Variants in UNK observed in about 807,000 individuals in gnomAD.
The protein encoded by UNK is RING finger protein unkempt homolog.
A neutral mutation model predicts 97.6 loss-of-function variants in UNK; 32 were observed. The observed-to-expected ratio is 0.33, with a 90% CI of 0.25 to 0.44. UNK has a LOEUF of 0.44. Ranked by LOEUF, UNK falls within the 20% of genes least tolerant of loss-of-function variation. UNK has a pLI of 1.00. For missense variants in UNK, 771 were observed against 1,098.4 expected (o/e 0.70, Z 4.21); for synonymous variants, 441 against 461.2 (o/e 0.96, Z 0.56).
At chr17:75,810,024 G>C (rs1396659337) in intron 2 of UNK, 55 bp downstream of exon 2, 2 of 1,599,650 alleles carry the variant, frequency 1.3e-6, no homozygotes, top group African/African-American at 2.7e-5. Flanking sequence ...TGGGTCAGAT[G>C]CCCTCAGGGT....
chr17:75,820,117 G>A lies in UNK; in HGVS notation c.1837+9G>A, dbSNP rs151195412. On this transcript the variant is annotated intron_variant, in intron 13 of 15. Coordinates refer to ENST00000589666, the MANE Select transcript of UNK (RefSeq NM_001080419.3). ...ATCACATGGATCTTTGGGTAAGAGA[G>A]GGAGTGGTTCACTCAGGAGAACTGG... The A allele has an allele frequency of 2.4e-4, 385 of 1,603,020 alleles. No homozygotes were observed. The highest frequency in any genetic ancestry group is 3.0e-4 in the Non-Finnish European group (348 of 1,173,128).
At chr17:75,804,932 G>A (rs560333503) in intron 1 of UNK, among the ~76,000 whole-genome samples, 8 of 151,972 alleles carry the variant, frequency 5.3e-5, no homozygotes, top group Non-Finnish European at 1.2e-4. Flanking sequence ...AGTGGCTCAC[G>A]CCTGTAATCC....
Position 75,791,189 on chromosome 17 carries a change from G to A in UNK, c.104+6205G>A, listed in dbSNP as rs373991965. Among the ~76,000 whole-genome samples, 6 of 152,232 alleles carry A rather than the reference G, an allele frequency of 3.9e-5. 1 individual carries two copies. The East Asian group carries it at 9.6e-4, about 24-fold the overall frequency. On this transcript the variant is annotated intron_variant, in intron 1 of 15. Transcript: ENST00000589666. ...GCCACTTGGTGATTTCTTATAGGTC[G>A]ACAGAGAATAAATACTTTATAGCTT...
rs143335068 is a variant in UNK, at chr17:75,794,522, C to T, written c.104+9538C>T. 9.2e-3 allele frequency among the ~76,000 whole-genome samples: 1,404 copies of T among 152,034 alleles called. 13 individuals carry two copies. Among genetic ancestry groups the T allele is most frequent in the African/African-American group, 0.031 (1,291 of 41,440 alleles). On this transcript the variant is annotated intron_variant, in intron 1 of 15. Coordinates refer to ENST00000589666, the MANE Select transcript of UNK (RefSeq NM_001080419.3). ...GTGTGGTGGCGGGCACCTGTAATCC[C>T]AGCTACTAGGGAGGCTGAGGCAGGA...
chr17:75,825,132 T>G lies in UNK; in HGVS notation c.*715T>G, dbSNP rs2062106959. ...GCCCCACTCCTGACACCTGGGCCCT[T>G]GAAGCTCCTTGAGGGGCAAGGCCCA... is the stretch of plus-strand genomic sequence containing the variant. On this transcript the variant is annotated 3_prime_UTR_variant, in exon 16 of 16. Transcript: ENST00000589666. The surrounding 1 kb of genome is among the most constrained non-coding windows in gnomAD (Gnocchi z 4.4). 1 of 152,138 alleles carries G rather than the reference T, an allele frequency of 6.6e-6. No homozygotes were observed. Among genetic ancestry groups the G allele is most frequent in the African/African-American group, 2.4e-5 (1 of 41,416 alleles). The allele number at this position is 152,138 out of a possible 1,614,324, so 9.4% of individuals were successfully genotyped here.
chr17:75,789,850 G>C (rs1252513792), intron 1 of UNK, among the ~76,000 whole-genome samples: 2 of 152,104 alleles, frequency 1.3e-5, no homozygotes, highest in African/African-American at 4.8e-5. Flanking sequence ...ACTATTGAAA[G>C]TGTATAGCTG....
intron 4 of UNK, 73 bp downstream of exon 4, chr17:75,812,658 C>G: frequency 6.4e-7 from 1 of 1,552,552 alleles, no homozygotes; most frequent in Non-Finnish European, 8.7e-7. Flanking sequence ...TTTGGCTCAC[C>G]ACCACCTACT....
intron 4 of UNK, 58 bp downstream of exon 4, chr17:75,812,643 G>GCTCTATGAGCA (rs1352655448): frequency 2.4e-4 from 379 of 1,570,518 alleles, no homozygotes; most frequent in Non-Finnish European, 2.9e-4. Flanking sequence ...TAGCTGCCCT[G>GCTCTATGAGCA]GGGATTTGGC....
In UNK at chr17:75,817,947, AG is replaced by A. The variant is rs763463410; in HGVS notation, c.1306-151del. On this transcript the variant is annotated intron_variant, in intron 9 of 15. Coordinates refer to ENST00000589666, the MANE Select transcript of UNK (RefSeq NM_001080419.3). The surrounding 1 kb of genome is among the most constrained non-coding windows in gnomAD (Gnocchi z 5.8). Reference sequence around the variant, plus strand: ...CCTGCTTAGGGTAGGGGAAGGGAGTAGGGGGTGGGGAGGAAGAAGGGGGTGT... The same window carrying A: ...CCTGCTTAGGGTAGGGGAAGGGAGTAGGGGTGGGGAGGAAGAAGGGGGTGT... 5.3e-5 allele frequency among the ~76,000 whole-genome samples: 8 copies of A among 150,472 alleles called. No individual in the cohort carries two copies. The highest frequency in any genetic ancestry group is 1.2e-4 in the Non-Finnish European group (8 of 67,610).
rs1480334335 is a variant in UNK at position 75,817,493 on chromosome 17, G to A, written c.1272G>A (p.Val424=). 1 of 1,611,876 alleles carries A rather than the reference G, an allele frequency of 6.2e-7. No individual in the cohort carries two copies. The highest frequency in any genetic ancestry group is 8.5e-7 in the Non-Finnish European group (1 of 1,178,856). The part of the protein sequence containing the change: ...KAPGFEREDQ[V]GAEYLKNFKC... ...CCGGCTTCGAGAGGGAAGACCAGGT[G>A]GGAGCCGAGTACCTGAAAAATTTCA... is the stretch of plus-strand genomic sequence containing the variant. The change falls in exon 9 of 16, where the codon GTG becomes GTA. Residue 424 remains valine (V), a synonymous_variant. Coordinates refer to ENST00000589666, the MANE Select transcript of UNK (RefSeq NM_001080419.3). This position sits in a 1 kb window ranked among gnomAD's most constrained non-coding sequence, Gnocchi z 5.8.
At chr17:75,795,525 A>G (rs2061798270) in intron 1 of UNK, among the ~76,000 whole-genome samples, 1 of 152,040 alleles carries the variant, frequency 6.6e-6, no homozygotes, top group African/African-American at 2.4e-5. Flanking sequence ...TTTTTAGTAG[A>G]GACGGGGTTT....
chr17:75,784,985 G>T lies in UNK; in HGVS notation c.104+1G>T. The T allele has an allele frequency of 1.4e-6, 2 of 1,432,294 alleles. No homozygotes were observed. The highest frequency in any genetic ancestry group is 1.5e-5 in the African/African-American group (1 of 65,472). The allele number at this position is 1,432,294 out of a possible 1,614,324, so 88.7% of individuals were successfully genotyped here. Reference sequence around the variant, plus strand: ...AGCCCGAGAAACCGCAGCACTACACGTACGTAGAGCCCCCCCCCCCCCGCC... The same window carrying T: ...AGCCCGAGAAACCGCAGCACTACACTTACGTAGAGCCCCCCCCCCCCCGCC... On this transcript the variant is annotated splice_donor_variant, in intron 1 of 15. Transcript: ENST00000589666. LOFTEE classifies it high-confidence loss of function.
chr17:75,818,068 C>T lies in UNK; in HGVS notation c.1306-35C>T. 8 of 1,610,094 alleles carry T rather than the reference C, an allele frequency of 5.0e-6. No homozygotes were observed. Among genetic ancestry groups the T allele is most frequent in the Non-Finnish European group, 6.8e-6 (8 of 1,177,470 alleles). On this transcript the variant is annotated intron_variant, in intron 9 of 15. Transcript: ENST00000589666. The surrounding 1 kb of genome is among the most constrained non-coding windows in gnomAD (Gnocchi z 5.1). ...AGATGGACTCAGGGACCCCCCAGCACCACATTCATCCACTCCCTGAATTTT... is the reference window on the plus strand; with the variant it reads ...AGATGGACTCAGGGACCCCCCAGCATCACATTCATCCACTCCCTGAATTTT...
chr17:75,818,041 T>C lies in UNK; in HGVS notation c.1306-62T>C. The C allele has an allele frequency of 1.3e-6, 2 of 1,557,370 alleles. No homozygotes were observed. Among genetic ancestry groups the C allele is most frequent in the East Asian group, 4.5e-5 (2 of 44,520 alleles). ...CCCCCTGGTACCTGCAGCCTCAGGG[T>C]CAGATGGACTCAGGGACCCCCCAGC... On this transcript the variant is annotated intron_variant, in intron 9 of 15. Coordinates refer to ENST00000589666, the MANE Select transcript of UNK (RefSeq NM_001080419.3). This position sits in a 1 kb window ranked among gnomAD's most constrained non-coding sequence, Gnocchi z 5.1.
At chr17:75,793,778 A>G in intron 1 of UNK, 1 of 985,446 alleles carries the variant, frequency 1.0e-6, no homozygotes, top group Non-Finnish European at 1.2e-6. Flanking sequence ...TTTAATAAGG[A>G]GGGGGAAGGT....
intron 13 of UNK, among the ~76,000 whole-genome samples, chr17:75,822,029 C>T (rs139563383): frequency 1.8e-3 from 272 of 152,340 alleles, no homozygotes; most frequent in African/African-American, 6.0e-3. Flanking sequence ...CTCTGCCATC[C>T]GATGAGGCTC....
At chr17:75,793,754 C>T (rs988627666) in intron 1 of UNK, 41 of 985,280 alleles carry the variant, frequency 4.2e-5, no homozygotes, top group Non-Finnish European at 4.7e-5. Flanking sequence ...ACCATAAGTC[C>T]TGACAAAATG....
In UNK at chr17:75,786,669, A is replaced by C. The variant is rs138923448; in HGVS notation, c.104+1685A>C. The stretch of plus-strand genomic sequence containing the variant: ...CAGGAGTGAAGAGACCAGCCTGCCC[A>C]ATATGGCAAAACCCCGTCTCTACTA... On this transcript the variant is annotated intron_variant, in intron 1 of 15. Coordinates refer to ENST00000589666, the MANE Select transcript of UNK (RefSeq NM_001080419.3). Among the ~76,000 whole-genome samples, 41 of 152,326 alleles carry C rather than the reference A, an allele frequency of 2.7e-4. No individual in the cohort carries two copies. In the East Asian group the frequency reaches 7.5e-3, roughly 28 times the overall value.
chr17:75,817,605 C>T lies in UNK; in HGVS notation c.1305+79C>T. ...AGAATCTTGGAGGAGTGTCTTGGTCCAGCTACGGGGAGGATGACTGGGAGC... is the reference window on the plus strand; with the variant it reads ...AGAATCTTGGAGGAGTGTCTTGGTCTAGCTACGGGGAGGATGACTGGGAGC... On this transcript the variant is annotated intron_variant, in intron 9 of 15. Coordinates refer to ENST00000589666, the MANE Select transcript of UNK (RefSeq NM_001080419.3). The surrounding 1 kb of genome is among the most constrained non-coding windows in gnomAD (Gnocchi z 5.8). The T allele has an allele frequency of 7.0e-7, 1 of 1,428,924 alleles. No homozygotes were observed. The highest frequency in any genetic ancestry group is 9.4e-7 in the Non-Finnish European group (1 of 1,059,942). 88.5% of individuals were successfully genotyped at this position (1,428,924 alleles called of 1,614,324 possible).
Sources: gnomAD v4.1 joint callset for allele counts (sites outside exome capture counted in the v4.1 genomes callset) on GRCh38, gnomAD v4.1.1 for gene constraint, Gnocchi (gnomAD v3.1) non-coding constraint, MANE v1.5 for transcripts, NCBI Gene and HGNC (gene_info 2026-07-23, HGNC 2026-07-21) for gene names.